The following BCAS4 variants were observed in gnomAD, a reference collection of about 807,000 sequenced individuals.
The protein encoded by BCAS4 is breast carcinoma-amplified sequence 4.
Under a neutral mutation model 15.7 loss-of-function variants are expected in BCAS4, and 9 were observed. The ratio of observed to expected loss-of-function variants is 0.57; its 90% CI spans 0.34 to 1.00. The LOEUF is 1.00. BCAS4 is among the 50% of genes least tolerant of loss of function. The pLI, the probability that BCAS4 is intolerant of heterozygous loss-of-function variation, is 0.02. For synonymous variants in BCAS4, 101 were observed against 99.5 expected (o/e 1.02, Z -0.09); for missense variants, 225 against 239.1 (o/e 0.94, Z 0.39).
At chr20:50,818,101 C>T (rs112882559) in intron 1 of BCAS4, 110 bp from the exon 2 acceptor site, 43 of 982,484 alleles carry the variant, frequency 4.4e-5, no homozygotes, top group African/African-American at 3.3e-4. Flanking sequence ...GAGCAGGAAC[C>T]GGGCACATAA....
chr20:50,841,412 T>A (rs986465400), intron 3 of BCAS4, among the ~76,000 whole-genome samples: 1 of 139,748 alleles, frequency 7.2e-6, no homozygotes, highest in Non-Finnish European at 1.5e-5. Context: ...TGAAATCTGA[T>A]GAATGTGCCC....
intron 1 of BCAS4, 76 bp from the exon 2 acceptor site, chr20:50,818,132 TAAA>T (rs5841815): frequency 5.2e-4 from 625 of 1,196,768 alleles, no homozygotes; most frequent in Admixed American, 6.6e-4. Flanking sequence ...TAGTTTGCTT[TAAA>T]AAAAAAAAAA....
At chr20:50,843,407 C>T (rs1297868761) in intron 4 of BCAS4, among the ~76,000 whole-genome samples, 1 of 152,210 alleles carries the variant, frequency 6.6e-6, no homozygotes, top group Non-Finnish European at 1.5e-5. Flanking sequence ...GTCAGGGGTT[C>T]TGCCCGTGGG....
intron 2 of BCAS4, among the ~76,000 whole-genome samples, chr20:50,818,862 A>C (rs536652513): frequency 5.4e-4 from 83 of 152,300 alleles, no homozygotes; most frequent in Non-Finnish European, 1.1e-3. Context: ...CCAGAAGACA[A>C]AGCCTCCCAC....
At chr20:50,841,620 G>T in intron 3 of BCAS4, 146 bp from the exon 4 acceptor site, 2 of 1,050,218 alleles carry the variant, frequency 1.9e-6, no homozygotes, top group Non-Finnish European at 2.7e-6. Flanking sequence ...AGCTAAGCAG[G>T]CCCTGCTGCC....
intron 4 of BCAS4, among the ~76,000 whole-genome samples, chr20:50,875,369 A>G (rs1171809281): frequency 6.6e-6 from 1 of 152,228 alleles, no homozygotes; most frequent in East Asian, 1.9e-4. Flanking sequence ...AATCCTCACC[A>G]GAAACGAGGA....
chr20:50,875,963 C>A (rs939027481), intron 4 of BCAS4: 1 of 455,912 alleles, frequency 2.2e-6, no homozygotes, highest in Non-Finnish European at 4.4e-6. Context: ...TTTCTTTTTT[C>A]TTCCCCGAGA....
intron 4 of BCAS4, among the ~76,000 whole-genome samples, chr20:50,872,971 C>T (rs952793698): frequency 2.0e-5 from 3 of 152,184 alleles, no homozygotes; most frequent in Admixed American, 6.5e-5. Context: ...TCTGAGTGCA[C>T]GGGAAGCAGC....
chr20:50,863,440 T>C (rs1362065368), intron 4 of BCAS4, among the ~76,000 whole-genome samples: 2 of 151,658 alleles, frequency 1.3e-5, no homozygotes, highest in African/African-American at 4.8e-5. Context: ...GTATTTTTAA[T>C]AGAGATGGGG....
intron 1 of BCAS4, among the ~76,000 whole-genome samples, chr20:50,801,659 G>A (rs2087928159): frequency 6.6e-6 from 1 of 152,172 alleles, no homozygotes; most frequent in Non-Finnish European, 1.5e-5. Flanking sequence ...AAATTGTATG[G>A]CAAACCTGCA....
At chr20:50,841,986 C>T (rs1477636465) in intron 4 of BCAS4, 86 bp downstream of exon 4, 12 of 1,442,386 alleles carry the variant, frequency 8.3e-6, no homozygotes, top group Middle Eastern at 2.5e-4. Flanking sequence ...ATGCAGGAAG[C>T]AGAGTTCAGG....
Position 50,795,133 on chromosome 20 carries a change from G to A in BCAS4, c.50G>A (p.Arg17His), listed in dbSNP as rs1452934379. 3 of 1,476,824 alleles carry A rather than the reference G, an allele frequency of 2.0e-6. No individual in the cohort carries two copies. Among genetic ancestry groups the A allele is most frequent in the Non-Finnish European group, 2.7e-6 (3 of 1,111,056 alleles). The allele number at this position is 1,476,824 out of a possible 1,614,324, so 91.5% of individuals were successfully genotyped here. A position where few individuals can be genotyped will look rare whatever the true frequency, so the allele number is the denominator to read the frequency against. ...CCGGAGCCCATGCGCAGCGGGGCGC[G>A]CGAGCTCGCGCTCTTCCTGACCCCC... ...DQPEPMRSGA[R>H]ELALFLTPEP... The change falls in exon 1 of 5, where the codon CGC becomes CAC. Residue 17 changes from arginine (R) to histidine (H), a missense_variant. By Grantham distance (29) the Arg-to-His change is conservative. Coordinates refer to ENST00000371608, the MANE Select transcript of BCAS4 (RefSeq NM_198799.4).
intron 3 of BCAS4, among the ~76,000 whole-genome samples, chr20:50,836,428 G>A (rs1415495879): frequency 6.6e-6 from 1 of 152,174 alleles, no homozygotes; most frequent in Non-Finnish European, 1.5e-5. Flanking sequence ...ACCCCTCAGA[G>A]TCATTGTGAG....
chr20:50,796,851 G>A (rs1159227500), intron 1 of BCAS4, among the ~76,000 whole-genome samples: 2 of 114,548 alleles, frequency 1.7e-5, no homozygotes, highest in Admixed American at 1.7e-4. Flanking sequence ...TTTTTTTTTT[G>A]ACAGGGTTTC....
At chr20:50,822,007 G>A (rs953579960) in intron 2 of BCAS4, among the ~76,000 whole-genome samples, 4 of 152,140 alleles carry the variant, frequency 2.6e-5, no homozygotes, top group Non-Finnish European at 5.9e-5. Context: ...CAAACTACCC[G>A]AAAATTTGGT....
intron 1 of BCAS4, among the ~76,000 whole-genome samples, chr20:50,812,876 C>T (rs544004313): frequency 7.2e-5 from 11 of 152,110 alleles, no homozygotes; most frequent in Middle Eastern, 3.4e-3. Flanking sequence ...AGTGCAGTGG[C>T]GCCATGATGG....
chr20:50,846,605 CTCTT>C (rs2088547238), intron 4 of BCAS4: 1 of 136,140 alleles, frequency 7.3e-6, no homozygotes, highest in African/African-American at 2.7e-5. Flanking sequence ...CAGTCTCTCT[CTCTT>C]TTTTTTTTTT....
downstream of BCAS4, chr20:50,879,241 G>A (rs1393821383): frequency 6.6e-6 from 1 of 152,388 alleles, no homozygotes; most frequent in East Asian, 1.9e-4. Context: ...AGTTGGCCGG[G>A]TGAGGTGGCT....
At chr20:50,801,244 T>C (rs1247754451) in intron 1 of BCAS4, among the ~76,000 whole-genome samples, 3 of 151,986 alleles carry the variant, frequency 2.0e-5, no homozygotes, top group Non-Finnish European at 4.4e-5. Flanking sequence ...ATGGCCAACA[T>C]GGTGAAACCC....
Sources: allele counts gnomAD v4.1 joint callset (sites outside exome capture counted in the v4.1 genomes callset), GRCh38; gene constraint gnomAD v4.1.1; transcripts MANE v1.5; gene names NCBI Gene and HGNC (gene_info 2026-07-23, HGNC 2026-07-21).